MCC: variants seen among roughly 807,000 people sequenced by gnomAD.
MCC encodes the protein MCC regulator of Wnt signaling pathway.
Under a neutral mutation model 116.2 loss-of-function variants are expected in MCC, and 90 were observed. The ratio of observed to expected loss-of-function variants is 0.77; its 90% confidence interval spans 0.65 to 0.92. MCC has a LOEUF of 0.92. Ranked by LOEUF, MCC falls within the 40% of genes least tolerant of loss-of-function variation. MCC has a pLI of 0.00. For missense variants in MCC, 1,516 were observed against 1,312.2 expected (o/e 1.16, Z -2.40); for synonymous variants, 578 against 510.5 (o/e 1.13, Z -1.78).
At chr5:113,225,285 G>A (rs183106856) in intron 3 of MCC, among the ~76,000 whole-genome samples, 32 of 152,250 alleles carry the variant, frequency 2.1e-4, no homozygotes, top group African/African-American at 6.5e-4. Flanking sequence ...TACCCTCAAC[G>A]TATTCTGACA....
intron 1 of MCC, among the ~76,000 whole-genome samples, chr5:113,411,905 G>C (rs974855466): frequency 6.6e-6 from 1 of 152,084 alleles, no homozygotes; most frequent in African/African-American, 2.4e-5. Flanking sequence ...ATAGTTTTTG[G>C]TCTAACATTT....
At chr5:113,109,812 G>A (rs527622141) in intron 6 of MCC, among the ~76,000 whole-genome samples, 1 of 152,232 alleles carries the variant, frequency 6.6e-6, no homozygotes, top group Non-Finnish European at 1.5e-5. Flanking sequence ...CTGTGGGTTG[G>A]AGAGCAAGAG....
At chr5:113,222,026 T>G (rs1013517124) in intron 3 of MCC, among the ~76,000 whole-genome samples, 11 of 152,234 alleles carry the variant, frequency 7.2e-5, no homozygotes, top group African/African-American at 2.7e-4. Flanking sequence ...TTATGTATAT[T>G]AAGATGCTGG....
chr5:113,219,974 G>A (rs1016607962), intron 3 of MCC, among the ~76,000 whole-genome samples: 1 of 151,270 alleles, frequency 6.6e-6, no homozygotes, highest in East Asian at 1.9e-4. Flanking sequence ...TACATCCTCC[G>A]GGTTCATTCT....
intron 3 of MCC, among the ~76,000 whole-genome samples, chr5:113,245,218 G>A (rs1441620941): frequency 1.3e-5 from 2 of 151,374 alleles, no homozygotes; most frequent in East Asian, 3.9e-4. Flanking sequence ...CTTGAACCAG[G>A]GAGGCAGAAG....
intron 2 of MCC, among the ~76,000 whole-genome samples, chr5:113,364,188 G>A (rs1040164388): frequency 8.8e-5 from 12 of 136,572 alleles, no homozygotes; most frequent in South Asian, 2.5e-4. Context: ...CTGAGATTGC[G>A]TCACTGCACT....
At chr5:113,299,854 C>T (rs1766816153) in intron 3 of MCC, among the ~76,000 whole-genome samples, 1 of 152,214 alleles carries the variant, frequency 6.6e-6, no homozygotes, top group Admixed American at 6.5e-5. Flanking sequence ...GCTTTGCAAT[C>T]AGGCAATAGC....
chr5:113,036,942 A>C (rs1457514738), intron 17 of MCC, among the ~76,000 whole-genome samples: 1 of 152,220 alleles, frequency 6.6e-6, no homozygotes, highest in Non-Finnish European at 1.5e-5. Flanking sequence ...TATTCCATTA[A>C]TGTCCTGCAG....
chr5:113,060,430 G>C (rs901279457), intron 14 of MCC, among the ~76,000 whole-genome samples: 1 of 152,170 alleles, frequency 6.6e-6, no homozygotes, highest in African/African-American at 2.4e-5. Flanking sequence ...TGGGATTACA[G>C]GTGTGAGTCA....
chr5:113,282,209 G>A (rs1455989794), intron 3 of MCC, among the ~76,000 whole-genome samples: 2 of 152,124 alleles, frequency 1.3e-5, no homozygotes, highest in Admixed American at 1.3e-4. Flanking sequence ...TAGCAGAGAA[G>A]GTGCCAAAAA....
At chr5:113,123,754 T>C (rs1023469412) in intron 5 of MCC, among the ~76,000 whole-genome samples, 10 of 152,288 alleles carry the variant, frequency 6.6e-5, no homozygotes, top group South Asian at 6.2e-4. Context: ...ATTTTGCAAG[T>C]GAACCAGTAG....
chr5:113,458,993 T>G (rs1316861830), intron 1 of MCC, among the ~76,000 whole-genome samples: 1 of 152,032 alleles, frequency 6.6e-6, no homozygotes, highest in African/African-American at 2.4e-5. Context: ...CATCCTCACA[T>G]CAAACATCCC....
intron 3 of MCC, among the ~76,000 whole-genome samples, chr5:113,296,241 G>A (rs541300588): frequency 6.6e-5 from 10 of 152,256 alleles, no homozygotes; most frequent in African/African-American, 1.9e-4. Flanking sequence ...GTTTGAAGCT[G>A]GAAATGGTGG....
chr5:113,329,475 C>CGTATAT (rs879376833), intron 3 of MCC, among the ~76,000 whole-genome samples: 660 of 137,162 alleles, frequency 4.8e-3, no homozygotes, highest in Non-Finnish European at 8.1e-3. Context: ...TGCATATATA[C>CGTATAT]GTATACACAC....
At chr5:113,052,118 G>C (rs1401043501) in intron 15 of MCC, among the ~76,000 whole-genome samples, 1 of 120,138 alleles carries the variant, frequency 8.3e-6, no homozygotes, top group African/African-American at 2.6e-5. Flanking sequence ...GGCAAAGGGA[G>C]TATTAGAACT....
chr5:113,224,808 T>C (rs530083352), intron 3 of MCC, among the ~76,000 whole-genome samples: 1 of 152,228 alleles, frequency 6.6e-6, no homozygotes, highest in Non-Finnish European at 1.5e-5. Context: ...TTCACACTCC[T>C]GTTCGCAAAA....
At chr5:113,286,858 G>C (rs764376653) in intron 3 of MCC, among the ~76,000 whole-genome samples, 5 of 152,150 alleles carry the variant, frequency 3.3e-5, no homozygotes, top group Non-Finnish European at 5.9e-5. Context: ...GAAAACCCTT[G>C]AAAAGGTTTC....
intron 17 of MCC, among the ~76,000 whole-genome samples, chr5:113,035,532 C>T (rs1371255410): frequency 6.6e-6 from 1 of 152,204 alleles, no homozygotes; most frequent in African/African-American, 2.4e-5. Context: ...TTGCCTGGAC[C>T]TCTAAGGCCC....
rs181372405 is a variant in MCC at position 113,115,565 on chromosome 5, C to G, written c.1027+7119G>C. Among the ~76,000 whole-genome samples the G allele has an allele frequency of 2.9e-3, 444 of 152,088 alleles. 1 individual carries two copies. The highest frequency in any genetic ancestry group is 4.8e-3 in the Non-Finnish European group (327 of 67,994). On this transcript the variant is annotated intron_variant, in intron 6 of 18. Transcript: ENST00000408903. ...TCCAGGGAGCTGTCCTCCAGGACTG[C>G]GAGCCTCTACTGACCTTGGTGCCCA... is the stretch of plus-strand genomic sequence containing the variant.
Sources: allele counts gnomAD v4.1 joint callset (sites outside exome capture counted in the v4.1 genomes callset), GRCh38; gene constraint gnomAD v4.1.1; transcripts MANE v1.5; gene names NCBI Gene and HGNC (gene_info 2026-07-23, HGNC 2026-07-21).